The following APOL5 variants were observed in gnomAD, a reference collection of about 807,000 sequenced individuals.
APOL5 encodes apolipoprotein L, 5.
Under a neutral mutation model 35.5 loss-of-function variants are expected in APOL5, and 29 were observed. That is an observed-to-expected ratio of 0.82 (90% CI 0.61 to 1.11). APOL5 has a LOEUF of 1.11. APOL5 is among the 50% of genes most tolerant of loss of function. The pLI, the probability that APOL5 is intolerant of heterozygous loss-of-function variation, is 0.00. For missense variants in APOL5, 514 were observed against 530.4 expected (o/e 0.97, Z 0.30); for synonymous variants, 188 against 200.2 (o/e 0.94, Z 0.51).
Position 35,728,705 on chromosome 22 carries a change from G to C in APOL5, c.1127-18G>C. 2 of 1,608,322 alleles carry C rather than the reference G, an allele frequency of 1.2e-6. No homozygotes were observed. Among genetic ancestry groups the C allele is most frequent in the Non-Finnish European group, 1.7e-6 (2 of 1,177,856 alleles). On this transcript the variant is annotated intron_variant, in intron 3 of 4. Coordinates refer to ENST00000249044, the MANE Select transcript of APOL5 (RefSeq NM_030642.1). ...TCTTTCTTGGAAGTTGTAAGACACA[G>C]GGACTCATGTTCCACAGGGTCTCGC...
intron 2 of APOL5, among the ~76,000 whole-genome samples, 179 bp downstream of exon 2, chr22:35,720,833 C>T (rs1926948197): frequency 6.6e-6 from 1 of 152,206 alleles, no homozygotes; most frequent in Non-Finnish European, 1.5e-5. Context: ...GCAACCTCTG[C>T]CTCCCAGGTT....
intron 1 of APOL5, among the ~76,000 whole-genome samples, chr22:35,718,809 G>A: frequency 1.3e-5 from 2 of 151,818 alleles, no homozygotes; most frequent in East Asian, 3.9e-4. Flanking sequence ...TGTAATCCCA[G>A]CACTTTGGGA....
At position 35,726,609 on chromosome 22, in the gene APOL5, G is replaced by A. The variant is rs1302561140; in HGVS notation, c.541G>A (p.Ala181Thr). Residue 181 changes from alanine (A) to threonine (T), a missense_variant, in exon 3 of 5, where the codon GCC becomes ACC. Coordinates refer to ENST00000249044, the MANE Select transcript of APOL5 (RefSeq NM_030642.1). ...ATGTGLGAAA[A>T]ITNIVTNVLE... ...TGGGACAGGGTTGGGGGCAGCAGCTGCCATCACCAACATAGTAACAAATGT... is the reference window on the plus strand; with the variant it reads ...TGGGACAGGGTTGGGGGCAGCAGCTACCATCACCAACATAGTAACAAATGT... 2.5e-6 allele frequency: 4 copies of A among 1,614,186 alleles called. No individual in the cohort carries two copies. The East Asian group carries it at 8.9e-5, about 36-fold the overall frequency.
Position 35,726,670 on chromosome 22 carries a change from A to C in APOL5, c.602A>C (p.Lys201Thr). 1 of 1,614,230 alleles carries C rather than the reference A, an allele frequency of 6.2e-7. No individual in the cohort carries two copies. Residue 201 changes from lysine to threonine, a missense_variant, in exon 3 of 5, where the codon AAA becomes ACA. Physicochemically the swap from Lys to Thr is moderately conservative, Grantham distance 78 (BLOSUM62 -1). Transcript: ENST00000249044. ...AGAAGCAATTCAGCAGCAAGAGACA[A>C]AGCCAGCCGACTGGGGCCTCTGACA... The part of the protein sequence containing the change: ...ENRSNSAARD[K>T]ASRLGPLTTS...
the APOL5 span, among the ~76,000 whole-genome samples, chr22:35,711,569 A>G: frequency 8.1e-6 from 1 of 123,762 alleles, no homozygotes; most frequent in Admixed American, 8.2e-5. Context: ...AAGCATTCCA[A>G]CTTGTCCACA....
At position 35,726,899 on chromosome 22, in the gene APOL5, G is replaced by A; in HGVS notation, c.831G>A (p.Gln277=). Residue 277 remains glutamine (Q), a synonymous_variant, in exon 3 of 5, where the codon CAG becomes CAA. Coordinates refer to ENST00000249044, the MANE Select transcript of APOL5 (RefSeq NM_030642.1). Reference sequence around the variant, plus strand: ...CTTTCTGGACGGCTAGAGGGGTGCAGAGAGCCTTTGAGGGCACAACTCTGG... The same window carrying A: ...CTTTCTGGACGGCTAGAGGGGTGCAAAGAGCCTTTGAGGGCACAACTCTGG... The part of the protein sequence containing the change: ...HIPFWTARGV[Q]RAFEGTTLAM... 2.5e-6 allele frequency: 4 copies of A among 1,614,230 alleles called. No homozygotes were observed. The highest frequency in any genetic ancestry group is 1.3e-5 in the African/African-American group (1 of 75,068).
chr22:35,726,521 GAA>G lies in APOL5; in HGVS notation c.454_455del (p.Asn152HisfsTer41). ...CTTCCGGGGCTGTTTCTGGGGTCAT[GAA>G]CATCCTGGGTTTGGCCCTAGCACCT... Reference protein sequence around the residue: ...SSSGAVSGVMNILGLALAPVT... With the variant: ...SSSGAVSGVMXILGLALAPVT... On this transcript the variant is annotated frameshift_variant, in exon 3 of 5. Transcript: ENST00000249044. LOFTEE classifies it high-confidence loss of function. The G allele has an allele frequency of 6.2e-7, 1 of 1,614,190 alleles. No individual in the cohort carries two copies. Among genetic ancestry groups the G allele is most frequent in the Non-Finnish European group, 8.5e-7 (1 of 1,180,032 alleles).
chr22:35,719,105 C>T (rs1926868401), intron 1 of APOL5, among the ~76,000 whole-genome samples: 1 of 151,730 alleles, frequency 6.6e-6, no homozygotes, highest in Admixed American at 6.6e-5. Flanking sequence ...CAGGACACAC[C>T]ATTATAAGTA....
chr22:35,720,197 C>T (rs80118962), intron 1 of APOL5, among the ~76,000 whole-genome samples: 2 of 152,222 alleles, frequency 1.3e-5, no homozygotes, highest in African/African-American at 4.8e-5. Flanking sequence ...GGCCCAGGCC[C>T]GAGGGTGGAA....
At chr22:35,716,480 T>C (rs570481076), upstream of APOL5, among the ~76,000 whole-genome samples, 2 of 152,336 alleles carry the variant, frequency 1.3e-5, no homozygotes, top group African/African-American at 4.8e-5. Context: ...CAGGCTGGTC[T>C]CGAACTCCTG....
At chr22:35,718,284 A>G (rs775734320) in intron 1 of APOL5, among the ~76,000 whole-genome samples, 1 of 152,202 alleles carries the variant, frequency 6.6e-6, no homozygotes, top group African/African-American at 2.4e-5. Flanking sequence ...CAAGGTGGCG[A>G]CATTATCAAA....
rs1287334799 is a variant in APOL5 at position 35,726,341 on chromosome 22, A to G, written c.273A>G (p.Pro91=). The change falls in exon 3 of 5, where the codon CCA becomes CCG. Residue 91 remains proline, a synonymous_variant. Transcript: ENST00000249044. ...ELMRCDKDSM[P]DGNLSEEEKL... is the part of the protein sequence containing the mutation. Reference sequence around the variant, plus strand: ...TGCGATGTGACAAAGATTCCATGCCAGATGGAAATCTGTCAGAGGAGGAAA... The same window carrying G: ...TGCGATGTGACAAAGATTCCATGCCGGATGGAAATCTGTCAGAGGAGGAAA... 1 of 1,614,206 alleles carries G rather than the reference A, an allele frequency of 6.2e-7. No individual in the cohort carries two copies. The highest frequency in any genetic ancestry group is 8.5e-7 in the Non-Finnish European group (1 of 1,180,048).
chr22:35,718,867 G>A (rs1184352641), intron 1 of APOL5, among the ~76,000 whole-genome samples: 2 of 152,070 alleles, frequency 1.3e-5, no homozygotes, highest in African/African-American at 4.8e-5. Flanking sequence ...AGACCAGCCT[G>A]GCCAACATGG....
chr22:35,726,841 T>C lies in APOL5; in HGVS notation c.773T>C (p.Met258Thr). 3 of 1,614,208 alleles carry C rather than the reference T, an allele frequency of 1.9e-6. No homozygotes were observed. The highest frequency in any genetic ancestry group is 2.5e-6 in the Non-Finnish European group (3 of 1,180,034). Residue 258 changes from methionine (M) to threonine (T), a missense_variant, in exon 3 of 5, where the codon ATG becomes ACG. This residue lies in a region of APOL5 where 238 missense variants were observed against 229.1 expected (regional missense o/e 1.04). Coordinates refer to ENST00000249044, the MANE Select transcript of APOL5 (RefSeq NM_030642.1). ...MAKSNSGFMA[M>T]VKNFVAKRHI... is the part of the protein sequence containing the mutation. ...AAATCCAACTCTGGCTTCATGGCTA[T>C]GGTCAAGAATTTTGTGGCCAAGAGA...
In APOL5 at chr22:35,718,874, A is replaced by G. The variant is rs531143386; in HGVS notation, c.55+948A>G. Among the ~76,000 whole-genome samples the G allele has an allele frequency of 2.0e-5, 3 of 152,114 alleles. No homozygotes were observed. In the South Asian group the frequency reaches 6.3e-4, roughly 32 times the overall value. The stretch of plus-strand genomic sequence containing the variant: ...GGAGTTTGAGACCAGCCTGGCCAAC[A>G]TGGTGAAACCCCCATCTCTACTACA... On this transcript the variant is annotated intron_variant, in intron 1 of 4. Coordinates refer to ENST00000249044, the MANE Select transcript of APOL5 (RefSeq NM_030642.1).
chr22:35,719,473 C>T (rs551827830), intron 1 of APOL5, among the ~76,000 whole-genome samples: 1 of 152,282 alleles, frequency 6.6e-6, no homozygotes, highest in South Asian at 2.1e-4. Context: ...ACAGAATGAG[C>T]GTTCACTTGC....
intron 1 of APOL5, among the ~76,000 whole-genome samples, chr22:35,718,535 T>G: frequency 7.0e-6 from 1 of 143,460 alleles, no homozygotes; most frequent in Non-Finnish European, 1.5e-5. Context: ...GAGAATTGCT[T>G]GAACTGGGAG....
Position 35,722,099 on chromosome 22 carries a change from A to C in APOL5, c.142+1445A>C, listed in dbSNP as rs144565536. The stretch of plus-strand genomic sequence containing the variant: ...CCCGTTAAGTCTGAGAAAGCTCCCC[A>C]AAAAAGGCATTGACTTTTCAGGCAC... On this transcript the variant is annotated intron_variant, in intron 2 of 4. Transcript: ENST00000249044. 4.2e-3 allele frequency among the ~76,000 whole-genome samples: 633 copies of C among 149,722 alleles called. 3 individuals are homozygous for C. The highest frequency in any genetic ancestry group is 6.8e-3 in the Middle Eastern group (2 of 294).
rs746193988 is a variant in APOL5, at chr22:35,728,723, G to A, written c.1127G>A (p.Gly376Glu). The change falls in exon 4 of 5, where the codon GGG (glycine) becomes GAG (glutamate). Residue 376 changes from glycine to glutamate, a missense_variant and splice_region_variant. By Grantham distance (98) the Gly-to-Glu change is moderately conservative. Coordinates refer to ENST00000249044, the MANE Select transcript of APOL5 (RefSeq NM_030642.1). ...AGACACAGGGACTCATGTTCCACAG[G>A]GTCTCGCTCACCTCTCCCCTGGCCT... ...VRGSRVVKPE[G>E]SRSPLPWPVV... 2.5e-6 allele frequency: 4 copies of A among 1,611,018 alleles called. No individual in the cohort carries two copies. In the Admixed American group the frequency reaches 6.7e-5, roughly 27 times the overall value.
Sources: allele counts gnomAD v4.1 joint callset (sites outside exome capture counted in the v4.1 genomes callset), GRCh38; gene constraint gnomAD v4.1.1; regional missense constraint gnomAD v4.1.1; transcripts MANE v1.5; gene names NCBI Gene and HGNC (gene_info 2026-07-23, HGNC 2026-07-21).